Variants in DOCK4 observed in about 807,000 individuals in gnomAD.
DOCK4 encodes dedicator of cytokinesis 4, also known as dedicator of cytokinesis protein 4.
DOCK4 carries 97 observed loss-of-function variants against 268.1 expected under a neutral mutation model. The observed-to-expected ratio is 0.36, with a 90% CI of 0.31 to 0.43. DOCK4 has a LOEUF of 0.43. Ranked by LOEUF, DOCK4 falls within the 20% of genes least tolerant of loss-of-function variation. The pLI is 1.00. For synonymous variants in DOCK4, 954 were observed against 887.2 expected, an observed-to-expected ratio of 1.08 and a Z score of -1.34; for missense variants, 2,145 against 2,455.7, an observed-to-expected ratio of 0.87 and a Z score of 2.67.
At chr7:111,741,009 C>T (rs1373165060) in intron 47 of DOCK4, 85 bp downstream of exon 47, 1 of 1,536,708 alleles carries the variant, frequency 6.5e-7, no homozygotes, top group African/African-American at 1.4e-5. Context: ...TTGGTCTGTT[C>T]ATCAGCACAG....
At chr7:111,877,250 T>C (rs1186837678) in intron 16 of DOCK4, 64 bp from the exon 17 acceptor site, 4 of 1,208,576 alleles carry the variant, frequency 3.3e-6, no homozygotes, top group Non-Finnish European at 4.3e-6. Flanking sequence ...TTATTAAGCA[T>C]AATTTATATT....
chr7:111,753,648 C>T (rs1796836514), intron 42 of DOCK4, among the ~76,000 whole-genome samples: 1 of 152,172 alleles, frequency 6.6e-6, no homozygotes, highest in African/African-American at 2.4e-5. Flanking sequence ...CTGACATCTG[C>T]AGATGAGGAA....
intron 1 of DOCK4, among the ~76,000 whole-genome samples, chr7:112,146,118 T>A (rs79871692): frequency 0.024 from 3,702 of 152,286 alleles, 46 homozygotes; most frequent in Non-Finnish European, 0.035. Context: ...GCACAAAGAT[T>A]GGTTTTTGTA....
At chr7:112,149,922 G>T (rs1231229765) in intron 1 of DOCK4, among the ~76,000 whole-genome samples, 1 of 152,168 alleles carries the variant, frequency 6.6e-6, no homozygotes, top group Non-Finnish European at 1.5e-5. Context: ...AAAGGATGTG[G>T]GAAAGGCAAC....
chr7:111,835,261 GA>G lies in DOCK4; in HGVS notation c.2737-576del, dbSNP rs771870140. The stretch of plus-strand genomic sequence containing the variant: ...AAATGACCTCCTCCAACTCATCAGA[GA>G]GTTGATCTGCTGACTCACAGGGTAT... On this transcript the variant is annotated intron_variant, in intron 25 of 52. Transcript: ENST00000428084. Among the ~76,000 whole-genome samples the G allele has an allele frequency of 2.3e-4, 35 of 152,210 alleles. 1 individual carries two copies. The highest frequency in any genetic ancestry group is 1.2e-3 in the South Asian group (6 of 4,806).
At chr7:112,148,090 A>G (rs529746475) in intron 1 of DOCK4, among the ~76,000 whole-genome samples, 1 of 152,240 alleles carries the variant, frequency 6.6e-6, no homozygotes, top group Non-Finnish European at 1.5e-5. Flanking sequence ...CTGAATCAAC[A>G]TCTTCCATTG....
chr7:111,747,664 GTGGTT>G (rs1796364581), intron 42 of DOCK4, among the ~76,000 whole-genome samples: 1 of 152,182 alleles, frequency 6.6e-6, no homozygotes, highest in Non-Finnish European at 1.5e-5. Context: ...TCATTGAAAT[GTGGTT>G]TGGATAATCA....
chr7:112,088,916 CA>C (rs1809364623), intron 1 of DOCK4, among the ~76,000 whole-genome samples: 1 of 152,060 alleles, frequency 6.6e-6, no homozygotes, highest in Non-Finnish European at 1.5e-5. Flanking sequence ...AAAGAGCTTA[CA>C]GTAACAGCTG....
chr7:111,872,125 T>A (rs1296746657), intron 19 of DOCK4, 35 bp from the exon 20 acceptor site: 19 of 1,485,934 alleles, frequency 1.3e-5, no homozygotes, highest in Non-Finnish European at 1.6e-5. Context: ...TAAAACTAAA[T>A]GCAAATCAAG....
chr7:111,925,872 G>C (rs1270818304), intron 12 of DOCK4, among the ~76,000 whole-genome samples: 2 of 152,122 alleles, frequency 1.3e-5, no homozygotes, highest in African/African-American at 2.4e-5. Context: ...CAGATCACGA[G>C]GTCAGGAGAT....
At chr7:111,812,407 G>C (rs1801208874) in intron 27 of DOCK4, among the ~76,000 whole-genome samples, 1 of 152,150 alleles carries the variant, frequency 6.6e-6, no homozygotes, top group Non-Finnish European at 1.5e-5. Context: ...AGCCTTCCAA[G>C]TAGCTGGGTC....
chr7:111,756,458 T>C (rs1797028154), intron 41 of DOCK4, among the ~76,000 whole-genome samples: 1 of 152,142 alleles, frequency 6.6e-6, no homozygotes. Context: ...CTAGGACCTC[T>C]GACTCCTTGT....
chr7:111,740,130 C>G (rs577564085), intron 47 of DOCK4: 3 of 440,698 alleles, frequency 6.8e-6, no homozygotes, highest in Non-Finnish European at 1.4e-5. Context: ...GACACAGTCT[C>G]GCTTTGTTGC....
At chr7:111,848,858 T>TCTTA (rs1804316901) in intron 23 of DOCK4, among the ~76,000 whole-genome samples, 1 of 152,082 alleles carries the variant, frequency 6.6e-6, no homozygotes, top group Non-Finnish European at 1.5e-5. Flanking sequence ...TTCCACCACC[T>TCTTA]CTTAGATGGA....
chr7:111,974,956 A>G (rs1798053342), intron 8 of DOCK4, among the ~76,000 whole-genome samples: 1 of 152,198 alleles, frequency 6.6e-6, no homozygotes, highest in Non-Finnish European at 1.5e-5. Flanking sequence ...GGGAGTTTGT[A>G]TTCCACAAAA....
At chr7:111,861,234 T>G (rs1361567172) in intron 23 of DOCK4, among the ~76,000 whole-genome samples, 1 of 152,168 alleles carries the variant, frequency 6.6e-6, no homozygotes, top group Admixed American at 6.5e-5. Flanking sequence ...AAGAAATATC[T>G]TTTCTCCAGG....
At position 112,206,128 on chromosome 7, in the gene DOCK4, G is replaced by T; in HGVS notation, c.11C>A (p.Pro4His). The T allele has an allele frequency of 1.3e-6, 2 of 1,586,332 alleles. No homozygotes were observed. Among genetic ancestry groups the T allele is most frequent in the Non-Finnish European group, 1.7e-6 (2 of 1,166,062 alleles). ...CACGCCGTATTTCTCGTGCTCCGTA[G>T]GTATCCACATGGCTAAAGGGGCTCC... MWI[P>H]TEHEKYGVVI... The change falls in exon 1 of 53, where the codon CCT becomes CAT. Residue 4 changes from proline to histidine, a missense_variant. This residue lies in a region of DOCK4 where 1,598 missense variants were observed against 1,986.7 expected (regional missense o/e 0.80). Transcript: ENST00000428084.
intron 23 of DOCK4, among the ~76,000 whole-genome samples, chr7:111,849,629 A>T (rs1320565459): frequency 6.6e-6 from 1 of 152,074 alleles, no homozygotes; most frequent in East Asian, 1.9e-4. Flanking sequence ...CATCTTCACA[A>T]GTAAGGCACC....
intron 1 of DOCK4, among the ~76,000 whole-genome samples, chr7:112,104,765 G>A (rs908087934): frequency 1.3e-4 from 20 of 152,070 alleles, no homozygotes; most frequent in Non-Finnish European, 4.4e-5. Flanking sequence ...ATCTGGGTGG[G>A]GAGAATGCTA....
Sources: gnomAD v4.1 joint callset for allele counts (sites outside exome capture counted in the v4.1 genomes callset) on GRCh38, gnomAD v4.1.1 for gene constraint, gnomAD v4.1.1 regional missense constraint, MANE v1.5 for transcripts, NCBI Gene and HGNC (gene_info 2026-07-23, HGNC 2026-07-21) for gene names.